HMBOX1: variants seen among roughly 807,000 people sequenced by gnomAD.
HMBOX1 encodes homeobox-containing protein 1.
A neutral mutation model predicts 54.5 loss-of-function variants in HMBOX1; 14 were observed. The ratio of observed to expected loss-of-function variants is 0.26; its 90% CI spans 0.17 to 0.40. The LOEUF (loss-of-function observed/expected upper bound fraction) is 0.40, where lower values mean the gene tolerates loss of function less well. Ranked by LOEUF, HMBOX1 falls within the 10% of genes least tolerant of loss-of-function variation. The pLI is 1.00. For missense variants in HMBOX1, 332 were observed against 514.4 expected, an observed-to-expected ratio of 0.65 and a Z score of 3.43; for synonymous variants, 160 against 181.0, an observed-to-expected ratio of 0.88 and a Z score of 0.93.
At chr8:29,028,954 G>A (rs1563612461) in intron 6 of HMBOX1, among the ~76,000 whole-genome samples, 1 of 152,082 alleles carries the variant, frequency 6.6e-6, no homozygotes. Flanking sequence ...TACCCAGGAA[G>A]CTCTCTCCAC....
At chr8:28,987,386 A>G (rs1057023818) in intron 4 of HMBOX1, among the ~76,000 whole-genome samples, 1 of 152,218 alleles carries the variant, frequency 6.6e-6, no homozygotes, top group African/African-American at 2.4e-5. Flanking sequence ...TTAAATATAC[A>G]GGAATAAATG....
chr8:28,963,464 A>T (rs1825943277), intron 1 of HMBOX1, among the ~76,000 whole-genome samples: 1 of 152,216 alleles, frequency 6.6e-6, no homozygotes, highest in Admixed American at 6.5e-5. Context: ...TTTCAATGTG[A>T]GAGTTTTTGA....
chr8:29,015,133 C>A (rs1422967361), intron 5 of HMBOX1, among the ~76,000 whole-genome samples: 2 of 152,062 alleles, frequency 1.3e-5, no homozygotes. Flanking sequence ...CTGAATATTA[C>A]AAAGAAGCAT....
intron 3 of HMBOX1, among the ~76,000 whole-genome samples, chr8:28,976,372 C>T (rs1390986220): frequency 6.6e-6 from 1 of 152,062 alleles, no homozygotes; most frequent in Non-Finnish European, 1.5e-5. Context: ...TTTTAAAAGC[C>T]TTGTGAAGGG....
chr8:28,970,442 C>T lies in HMBOX1; in HGVS notation c.423C>T (p.Ser141=). The part of the protein sequence containing the change: ...KMSPTRYHAN[S]MGQRSYSFEA... The stretch of plus-strand genomic sequence containing the variant: ...CACCAACTCGCTACCATGCAAACAG[C>T]ATGGGTCAGAGGTCATACAGTTTTG... Residue 141 remains serine, a synonymous_variant, in exon 3 of 10, where the codon AGC becomes AGT. Transcript: ENST00000287701. The surrounding 1 kb of genome is among the most constrained non-coding windows in gnomAD (Gnocchi z 4.3). The T allele has an allele frequency of 6.2e-7, 1 of 1,614,048 alleles. No homozygotes were observed. The highest frequency in any genetic ancestry group is 8.5e-7 in the Non-Finnish European group (1 of 1,180,002).
At chr8:29,009,628 A>ATT in intron 5 of HMBOX1, 21 of 966,272 alleles carry the variant, frequency 2.2e-5, no homozygotes, top group South Asian at 1.3e-4. Context: ...TCTGCTAATG[A>ATT]TTTTTTTTTT....
chr8:28,920,984 A>G (rs751184878), intron 1 of HMBOX1, among the ~76,000 whole-genome samples: 4 of 152,260 alleles, frequency 2.6e-5, no homozygotes, highest in African/African-American at 9.6e-5. Flanking sequence ...TAAATGCACT[A>G]TAACATTATG....
chr8:29,049,213 T>G (rs191093384), intron 9 of HMBOX1, 165 bp downstream of exon 9: 1 of 1,502,070 alleles, frequency 6.7e-7, no homozygotes, highest in Non-Finnish European at 8.9e-7. Flanking sequence ...TTGAAAGGAA[T>G]GTGGTAAGAT....
chr8:28,999,935 TTC>T (rs1470035116), intron 4 of HMBOX1, among the ~76,000 whole-genome samples: 4 of 152,204 alleles, frequency 2.6e-5, no homozygotes, highest in African/African-American at 9.6e-5. Context: ...GAGCCATACT[TTC>T]TTGTTTCTTT....
chr8:29,021,444 GA>G (rs963588436), intron 6 of HMBOX1, among the ~76,000 whole-genome samples: 159 of 149,750 alleles, frequency 1.1e-3, no homozygotes, highest in African/African-American at 3.5e-3. Context: ...AGACAAATTG[GA>G]AAAAAAAATT....
chr8:29,040,387 T>C (rs1277500365), intron 6 of HMBOX1, among the ~76,000 whole-genome samples: 1 of 152,224 alleles, frequency 6.6e-6, no homozygotes, highest in Non-Finnish European at 1.5e-5. Context: ...CAATATTGTG[T>C]GTCTTTTCTC....
intron 3 of HMBOX1, among the ~76,000 whole-genome samples, chr8:28,976,900 G>A (rs1444489815): frequency 1.3e-5 from 2 of 151,726 alleles, no homozygotes; most frequent in African/African-American, 2.4e-5. Flanking sequence ...GTAGAGACGA[G>A]GTCTCATCAT....
At chr8:28,976,338 T>A (rs1227458337) in intron 3 of HMBOX1, among the ~76,000 whole-genome samples, 1 of 152,258 alleles carries the variant, frequency 6.6e-6, no homozygotes, top group Non-Finnish European at 1.5e-5. Flanking sequence ...CAAACAATAT[T>A]TAATTTCATT....
rs376885032 is a variant in HMBOX1, at chr8:29,009,833, A to T, written c.697+651A>T. 111 of 1,217,848 alleles carry T rather than the reference A, an allele frequency of 9.1e-5. No individual in the cohort carries two copies. The African/African-American group carries it at 1.6e-3, about 18-fold the overall frequency. The allele number at this position is 1,217,848 out of a possible 1,614,324, so 75.4% of individuals were successfully genotyped here. ...CAAGATACTAACAGGTGATTTTATAAAGTGAAATCTGAAGTTATGGGACTA... is the reference window on the plus strand; with the variant it reads ...CAAGATACTAACAGGTGATTTTATATAGTGAAATCTGAAGTTATGGGACTA... On this transcript the variant is annotated intron_variant, in intron 5 of 9. Transcript: ENST00000287701.
chr8:28,976,641 T>A (rs769749134), intron 3 of HMBOX1, among the ~76,000 whole-genome samples: 15 of 152,190 alleles, frequency 9.9e-5, no homozygotes, highest in Non-Finnish European at 1.8e-4. Context: ...GTCTTTTGTT[T>A]TGCTTTTTGA....
chr8:28,949,317 C>T (rs1823001611), intron 1 of HMBOX1, among the ~76,000 whole-genome samples: 1 of 152,150 alleles, frequency 6.6e-6, no homozygotes, highest in African/African-American at 2.4e-5. Flanking sequence ...AGGGGTGGGG[C>T]ACCTGCAGGC....
chr8:28,907,737 C>G (rs1814608147), intron 1 of HMBOX1, among the ~76,000 whole-genome samples: 1 of 152,096 alleles, frequency 6.6e-6, no homozygotes, highest in Non-Finnish European at 1.5e-5. Flanking sequence ...CTAGAGATCT[C>G]TTGAGTATAT....
chr8:28,895,568 G>C (rs1039787703), intron 1 of HMBOX1, among the ~76,000 whole-genome samples: 1 of 152,060 alleles, frequency 6.6e-6, no homozygotes, highest in Admixed American at 6.5e-5. Flanking sequence ...CCAGCTACTC[G>C]GGAGGCTGAG....
At chr8:29,010,462 A>G (rs1427472774) in intron 5 of HMBOX1, among the ~76,000 whole-genome samples, 1 of 152,154 alleles carries the variant, frequency 6.6e-6, no homozygotes. Flanking sequence ...AGGTTAAGGC[A>G]GAGAAATTGC....
Sources: allele counts gnomAD v4.1 joint callset (sites outside exome capture counted in the v4.1 genomes callset), GRCh38; gene constraint gnomAD v4.1.1; non-coding constraint Gnocchi (gnomAD v3.1); transcripts MANE v1.5; gene names NCBI Gene and HGNC (gene_info 2026-07-23, HGNC 2026-07-21).